FSIP2: variants seen among roughly 807,000 people sequenced by gnomAD.
FSIP2 encodes fibrous sheath interacting protein 2, also known as fibrous sheath-interacting protein 2.
In FSIP2, 367 loss-of-function variants were observed where a neutral mutation model predicts 510.5. That is an observed-to-expected ratio of 0.72 (90% CI 0.66 to 0.78). The LOEUF (loss-of-function observed/expected upper bound fraction) is 0.78, where lower values mean the gene tolerates loss of function less well. Among genes scored for constraint, FSIP2 ranks in the 30% least tolerant of loss-of-function variants. FSIP2 has a pLI of 0.00. For missense variants in FSIP2, 7,594 were observed against 7,901.7 expected, an observed-to-expected ratio of 0.96 and a Z score of 1.48; for synonymous variants, 2,601 against 2,732.2, an observed-to-expected ratio of 0.95 and a Z score of 1.50.
In FSIP2 at chr2:185,793,024, A is replaced by G. The variant is rs1006343350; in HGVS notation, c.5888A>G (p.Lys1963Arg). 1.3e-6 allele frequency: 2 copies of G among 1,534,278 alleles called. No individual in the cohort carries two copies. The highest frequency in any genetic ancestry group is 1.7e-6 in the Non-Finnish European group (2 of 1,145,670). Residue 1963 changes from lysine to arginine, a missense_variant, in exon 16 of 23, where the codon AAA (lysine) becomes AGA (arginine). Lys to Arg is a conservative substitution (Grantham distance 26, BLOSUM62 2). Coordinates refer to ENST00000424728, the MANE Select transcript of FSIP2 (RefSeq NM_173651.4). ...CAGCAAGATCACAGTACATTGAGCA[A>G]AGCATTATCAGCCAAAGATTCATAT... Reference protein sequence around the residue: ...PIQQDHSTLSKALSAKDSYSD... With the variant: ...PIQQDHSTLSRALSAKDSYSD...
At chr2:185,777,393 GTTT>G (rs10567134) in intron 13 of FSIP2, among the ~76,000 whole-genome samples, 4,502 of 122,596 alleles carry the variant, frequency 0.037, 146 homozygotes, top group East Asian at 0.12. Context: ...TATAATTGTA[GTTT>G]TTTTTTTTTT....
At chr2:185,754,699 C>A (rs1037364352) in intron 8 of FSIP2, among the ~76,000 whole-genome samples, 7 of 151,498 alleles carry the variant, frequency 4.6e-5, no homozygotes. Context: ...CAGTCTTCAC[C>A]TAACTTTTCA....
In FSIP2 at chr2:185,739,709, C is replaced by T. The variant is rs184068760; in HGVS notation, c.225+238C>T. Among the ~76,000 whole-genome samples, 19 of 152,182 alleles carry T rather than the reference C, an allele frequency of 1.2e-4. No individual in the cohort carries two copies. In the East Asian group the frequency reaches 1.5e-3, roughly 12 times the overall value. On this transcript the variant is annotated intron_variant, in intron 2 of 22. Transcript: ENST00000424728. ...TTCTTAGTCCTTAATTAACAATTCA[C>T]GGTACCATATTAATATTCCTTATAA...
rs910738673 is a variant in FSIP2 at position 185,763,303 on chromosome 2, C to A, written c.1347+14C>A. The stretch of plus-strand genomic sequence containing the variant: ...TCAAAAGAAGAGGTATATAACAGTT[C>A]TTTTACCCCAAATACAAACACAATA... On this transcript the variant is annotated intron_variant, in intron 12 of 22. Coordinates refer to ENST00000424728, the MANE Select transcript of FSIP2 (RefSeq NM_173651.4). The A allele has an allele frequency of 1.1e-5, 11 of 1,006,818 alleles. No individual in the cohort carries two copies. Among genetic ancestry groups the A allele is most frequent in the Non-Finnish European group, 1.7e-5 (11 of 664,442 alleles). 62.4% of individuals were successfully genotyped at this position (1,006,818 alleles called of 1,614,324 possible). A position where few individuals can be genotyped will look rare whatever the true frequency, so the allele number is the denominator to read the frequency against.
rs1693581780 is a variant in FSIP2, at chr2:185,806,498, C to CA, written c.17199dup (p.Val5734SerfsTer6). ...AGGGATTCGGCACAGTCTGTTACAACAAAAAAAGTATCCTCCTCAACTAAC... is the reference window on the plus strand; with the variant it reads ...AGGGATTCGGCACAGTCTGTTACAACAAAAAAAAGTATCCTCCTCAACTAAC... On this transcript the variant is annotated frameshift_variant, in exon 17 of 23. Coordinates refer to ENST00000424728, the MANE Select transcript of FSIP2 (RefSeq NM_173651.4). LOFTEE classifies it high-confidence loss of function. 1.9e-6 allele frequency: 3 copies of CA among 1,597,200 alleles called. No homozygotes were observed. The highest frequency in any genetic ancestry group is 1.1e-5 in the South Asian group (1 of 88,044).
In FSIP2 at chr2:185,774,768, T is replaced by C. The variant is rs543548959; in HGVS notation, c.1412-7937T>C. On this transcript the variant is annotated intron_variant, in intron 13 of 22. Coordinates refer to ENST00000424728, the MANE Select transcript of FSIP2 (RefSeq NM_173651.4). The stretch of plus-strand genomic sequence containing the variant: ...CACAACAGTCCCCAGAGTGTGATGT[T>C]CCCCTTCCTGTGTCCATGTGATCTC... Among the ~76,000 whole-genome samples, 10 of 110,564 alleles carry C rather than the reference T, an allele frequency of 9.0e-5. No individual in the cohort carries two copies. In the East Asian group the frequency reaches 2.9e-3, roughly 32 times the overall value. The allele number at this position is 110,564 out of a possible 152,430, so 72.5% of individuals were successfully genotyped here.
At chr2:185,767,365 TAGC>T (rs1266707956) in intron 13 of FSIP2, among the ~76,000 whole-genome samples, 6 of 152,070 alleles carry the variant, frequency 3.9e-5, no homozygotes, top group Admixed American at 3.3e-4. Flanking sequence ...GAGCTACTCT[TAGC>T]AGTTTTTAAT....
chr2:185,808,782 C>T lies in FSIP2; in HGVS notation c.19476C>T (p.Ala6492=). The T allele has an allele frequency of 6.2e-7, 1 of 1,612,486 alleles. No individual in the cohort carries two copies. Among genetic ancestry groups the T allele is most frequent in the Non-Finnish European group, 8.5e-7 (1 of 1,179,368 alleles). Residue 6492 remains alanine (A), a synonymous_variant, in exon 17 of 23, where the codon GCC becomes GCT. Coordinates refer to ENST00000424728, the MANE Select transcript of FSIP2 (RefSeq NM_173651.4). The part of the protein sequence containing the change: ...ELDVNRIVQK[A]QEHAFNVIPE... ...ACGTTAATAGAATTGTTCAAAAGGC[C>T]CAAGAACATGCTTTTAATGTGATTC...
chr2:185,769,142 T>G (rs987843171), intron 13 of FSIP2, among the ~76,000 whole-genome samples: 1 of 152,166 alleles, frequency 6.6e-6, no homozygotes, highest in African/African-American at 2.4e-5. Flanking sequence ...TTCCTTTGGG[T>G]ATATAGCCAG....
rs2105614852 is a variant in FSIP2 at position 185,791,474 on chromosome 2, G to A, written c.4338G>A (p.Lys1446=). The A allele has an allele frequency of 2.0e-6, 3 of 1,534,238 alleles. No homozygotes were observed. In the South Asian group the frequency reaches 3.6e-5, roughly 18 times the overall value. Reference sequence around the variant, plus strand: ...AAACACTACATGAAATGTTAAGCAAGCTCCTGGGGACCCATCTTCATTCTC... The same window carrying A: ...AAACACTACATGAAATGTTAAGCAAACTCCTGGGGACCCATCTTCATTCTC... ...IGETLHEMLS[K]LLGTHLHSQL... Residue 1446 remains lysine (K), a synonymous_variant, in exon 16 of 23, where the codon AAG becomes AAA. Coordinates refer to ENST00000424728, the MANE Select transcript of FSIP2 (RefSeq NM_173651.4).
intron 20 of FSIP2, among the ~76,000 whole-genome samples, chr2:185,825,543 T>C (rs1295613890): frequency 6.6e-6 from 1 of 151,828 alleles, no homozygotes; most frequent in Non-Finnish European, 1.5e-5. Context: ...TATATCCATG[T>C]AATACTCCTG....
At chr2:185,770,590 A>G (rs1264126145) in intron 13 of FSIP2, among the ~76,000 whole-genome samples, 1 of 152,138 alleles carries the variant, frequency 6.6e-6, no homozygotes, top group Non-Finnish European at 1.5e-5. Flanking sequence ...CCCATGACCA[A>G]AGCACCTCCC....
At chr2:185,777,621 T>A (rs891447959) in intron 13 of FSIP2, among the ~76,000 whole-genome samples, 6 of 152,164 alleles carry the variant, frequency 3.9e-5, no homozygotes, top group Non-Finnish European at 7.4e-5. Context: ...TGGTGAATTT[T>A]GACTTTTTAA....
At chr2:185,740,685 G>A (rs1559007219) in intron 2 of FSIP2, among the ~76,000 whole-genome samples, 1 of 152,096 alleles carries the variant, frequency 6.6e-6, no homozygotes, top group African/African-American at 2.4e-5. Flanking sequence ...CAGGACACCA[G>A]CATGGTCAGA....
intron 10 of FSIP2, among the ~76,000 whole-genome samples, chr2:185,761,388 C>T (rs1359294950): frequency 3.3e-5 from 5 of 150,818 alleles, no homozygotes; most frequent in Non-Finnish European, 5.9e-5. Context: ...AGGTGTTGTA[C>T]TAAGCTAGAA....
rs762296800 is a variant in FSIP2 at position 185,805,901 on chromosome 2, A to G, written c.16595A>G (p.His5532Arg). Reference sequence around the variant, plus strand: ...AAAGTGGGAATTTGTACTCAAAAACATAGTGAGAATGTATCAAAAGTTACT... The same window carrying G: ...AAAGTGGGAATTTGTACTCAAAAACGTAGTGAGAATGTATCAAAAGTTACT... Reference protein sequence around the residue: ...ENKVGICTQKHSENVSKVTST... With the variant: ...ENKVGICTQKRSENVSKVTST... The change falls in exon 17 of 23, where the codon CAT becomes CGT. Residue 5532 changes from histidine (H) to arginine (R), a missense_variant. By Grantham distance (29) the His-to-Arg change is conservative (BLOSUM62 0). Transcript: ENST00000424728. 2.3e-5 allele frequency: 37 copies of G among 1,605,564 alleles called. No individual in the cohort carries two copies. The highest frequency in any genetic ancestry group is 3.0e-5 in the Non-Finnish European group (35 of 1,177,054).
rs1427401784 is a variant in FSIP2, at chr2:185,797,463, C to T, written c.10327C>T (p.His3443Tyr). Residue 3443 changes from histidine (H) to tyrosine (Y), a missense_variant, in exon 16 of 23, where the codon CAT (histidine) becomes TAT (tyrosine). By Grantham distance (83) the His-to-Tyr change is moderately conservative. Transcript: ENST00000424728. ...TCATGAAATGGGTTCCAATGAAGTT[C>T]ATCTGATAGCAAGACATGTCACCAC... is the stretch of plus-strand genomic sequence containing the variant. ...ADHEMGSNEV[H>Y]LIARHVTTSV... 2.0e-5 allele frequency: 30 copies of T among 1,525,140 alleles called. No homozygotes were observed. The highest frequency in any genetic ancestry group is 2.6e-5 in the Non-Finnish European group (30 of 1,143,752). 94.5% of individuals were successfully genotyped at this position (1,525,140 alleles called of 1,614,324 possible).
intron 7 of FSIP2, among the ~76,000 whole-genome samples, chr2:185,751,917 C>T (rs902251311): frequency 6.0e-5 from 9 of 151,144 alleles, no homozygotes; most frequent in East Asian, 5.8e-4. Context: ...TATACATACA[C>T]GTAATAATTC....
intron 21 of FSIP2, among the ~76,000 whole-genome samples, chr2:185,829,525 C>A (rs1181614425): frequency 1.3e-5 from 2 of 151,972 alleles, no homozygotes; most frequent in Non-Finnish European, 2.9e-5. Context: ...CCATTGTTTT[C>A]TGACCGGTTA....
Sources: gnomAD v4.1 joint callset for allele counts (sites outside exome capture counted in the v4.1 genomes callset) on GRCh38, gnomAD v4.1.1 for gene constraint, MANE v1.5 for transcripts, NCBI Gene and HGNC (gene_info 2026-07-23, HGNC 2026-07-21) for gene names.